Variants in NRXN1 observed in about 807,000 individuals in gnomAD.
The protein encoded by NRXN1 is neurexin-1.
In NRXN1, 39 loss-of-function variants were observed where a neutral mutation model predicts 150.9. The observed-to-expected ratio is 0.26, with a 90% CI of 0.20 to 0.34. The LOEUF is 0.34. Among genes scored for constraint, NRXN1 ranks in the 10% least tolerant of loss-of-function variants. The pLI, the probability that NRXN1 is intolerant of heterozygous loss-of-function variation, is 1.00. For synonymous variants in NRXN1, 924 were observed against 757.0 expected (o/e 1.22, Z -3.62); for missense variants, 1,815 against 1,949.9 (o/e 0.93, Z 1.30).
intron 21 of NRXN1, among the ~76,000 whole-genome samples, chr2:50,017,598 C>T (rs1686863299): frequency 6.6e-6 from 1 of 151,078 alleles, no homozygotes; most frequent in Non-Finnish European, 1.5e-5. Context: ...TTCTGGCTTA[C>T]TTAAAAAGAA....
At chr2:50,649,435 C>A (rs1235973920) in intron 5 of NRXN1, among the ~76,000 whole-genome samples, 1 of 151,994 alleles carries the variant, frequency 6.6e-6, no homozygotes, top group East Asian at 1.9e-4. Context: ...AACTCTGTAG[C>A]TCCCAAAACT....
At chr2:50,496,152 TA>T (rs1457417947) in intron 14 of NRXN1, 57 bp from the exon 15 acceptor site, 1 of 1,338,392 alleles carries the variant, frequency 7.5e-7, no homozygotes, top group African/African-American at 1.5e-5. Context: ...TTGATGAACC[TA>T]AAGTAGATAT....
chr2:50,564,001 G>A (rs1012848321), intron 8 of NRXN1, among the ~76,000 whole-genome samples: 1 of 152,170 alleles, frequency 6.6e-6, no homozygotes, highest in Non-Finnish European at 1.5e-5. Context: ...AAGTAGACTT[G>A]TTCCTGAGAA....
intron 17 of NRXN1, among the ~76,000 whole-genome samples, chr2:50,381,522 A>AACACACACACAC (rs59726557): frequency 3.9e-5 from 5 of 128,502 alleles, no homozygotes; most frequent in Non-Finnish European, 8.3e-5. Flanking sequence ...CAGGCTTTTA[A>AACACACACACAC]ACACACACAC....
At chr2:50,031,836 C>T (rs1664021869) in intron 21 of NRXN1, among the ~76,000 whole-genome samples, 1 of 152,002 alleles carries the variant, frequency 6.6e-6, no homozygotes, top group Non-Finnish European at 1.5e-5. Context: ...TAGTTCTCAG[C>T]CCTTAATTCG....
intron 17 of NRXN1, among the ~76,000 whole-genome samples, chr2:50,299,634 G>C (rs921309105): frequency 2.0e-5 from 3 of 151,942 alleles, no homozygotes; most frequent in African/African-American, 7.3e-5. Flanking sequence ...TAAATATCAA[G>C]CCCTTGTTTT....
chr2:50,709,737 T>C (rs978191911), intron 5 of NRXN1, among the ~76,000 whole-genome samples: 2 of 152,180 alleles, frequency 1.3e-5, no homozygotes, highest in Admixed American at 6.5e-5. Context: ...TGAGGACTGT[T>C]GTTCTATGCT....
At chr2:50,329,607 GTGTGTGTGTGTATATATATATATATATA>G (rs2076633550) in intron 17 of NRXN1, among the ~76,000 whole-genome samples, 1 of 25,924 alleles carries the variant, frequency 3.9e-5, no homozygotes, top group African/African-American at 1.4e-4. Context: ...GTGTGTGTGT[GTGTGTGTGTGTATATATATATATATATA>G]TATATATATA....
intron 5 of NRXN1, among the ~76,000 whole-genome samples, chr2:50,630,187 A>AT (rs1272285169): frequency 1.3e-5 from 2 of 151,532 alleles, no homozygotes; most frequent in African/African-American, 4.8e-5. Flanking sequence ...CAACTTTAAG[A>AT]TTTTTTTGAT....
chr2:50,687,367 C>G (rs1009565719), intron 5 of NRXN1, among the ~76,000 whole-genome samples: 1 of 152,060 alleles, frequency 6.6e-6, no homozygotes, highest in African/African-American at 2.4e-5. Context: ...ATAATACTAT[C>G]TTTTTTTTCT....
chr2:50,417,541 C>T (rs138673471), intron 17 of NRXN1, among the ~76,000 whole-genome samples: 1 of 151,874 alleles, frequency 6.6e-6, no homozygotes, highest in Non-Finnish European at 1.5e-5. Flanking sequence ...TGACATTCTG[C>T]TTGGTAGTAG....
intron 2 of NRXN1, among the ~76,000 whole-genome samples, chr2:50,992,595 G>A (rs1461708656): frequency 6.6e-6 from 1 of 151,960 alleles, no homozygotes. Context: ...AGAAATCAGG[G>A]AGGGCCTTTT....
intron 19 of NRXN1, among the ~76,000 whole-genome samples, chr2:50,057,082 A>G (rs1693770125): frequency 6.6e-6 from 1 of 152,148 alleles, no homozygotes; most frequent in South Asian, 2.1e-4. Flanking sequence ...CATTTTCCAT[A>G]TAAGCCAATA....
chr2:50,739,613 G>T (rs980274416), intron 5 of NRXN1, among the ~76,000 whole-genome samples: 1 of 152,072 alleles, frequency 6.6e-6, no homozygotes, highest in Admixed American at 6.6e-5. Flanking sequence ...TTACTCTATT[G>T]CATTGGTCTT....
At chr2:50,477,362 T>C (rs1215960198) in intron 15 of NRXN1, among the ~76,000 whole-genome samples, 1 of 152,168 alleles carries the variant, frequency 6.6e-6, no homozygotes, top group Non-Finnish European at 1.5e-5. Context: ...AAAATTGCAT[T>C]TAACGTCATG....
At chr2:50,100,835 A>C (rs767420055) in intron 18 of NRXN1, among the ~76,000 whole-genome samples, 14 of 152,096 alleles carry the variant, frequency 9.2e-5, no homozygotes, top group African/African-American at 2.7e-4. Context: ...CTTATGTGTA[A>C]AGAATGTCTT....
intron 5 of NRXN1, among the ~76,000 whole-genome samples, chr2:50,624,094 G>A (rs986508019): frequency 2.6e-5 from 4 of 152,032 alleles, no homozygotes; most frequent in South Asian, 2.1e-4. Context: ...TTCATCACAC[G>A]TATGTTTATT....
At chr2:50,891,481 T>C (rs1235746386) in intron 5 of NRXN1, among the ~76,000 whole-genome samples, 2 of 152,062 alleles carry the variant, frequency 1.3e-5, no homozygotes, top group Non-Finnish European at 2.9e-5. Context: ...TTATACAATC[T>C]GATATAAGAC....
Position 51,027,539 on chromosome 2 carries a change from G to A in NRXN1, c.735C>T (p.Cys245=). 1 of 1,566,848 alleles carries A rather than the reference G, an allele frequency of 6.4e-7. No homozygotes were observed. Among genetic ancestry groups the A allele is most frequent in the Non-Finnish European group, 8.7e-7 (1 of 1,151,702 alleles). ...CCTTGCCGCGGAAGCCGGTTCGCGAGCAGTCGCACACGGCCTGGTCGTCCA... is the reference window on the plus strand; with the variant it reads ...CCTTGCCGCGGAAGCCGGTTCGCGAACAGTCGCACACGGCCTGGTCGTCCA... ...SVVDDQAVCD[C]SRTGFRGKDC... The change falls in exon 2 of 23, where the codon TGC becomes TGT. Residue 245 remains cysteine (C), a synonymous_variant. Transcript: ENST00000401669.
Sources: allele counts gnomAD v4.1 joint callset (sites outside exome capture counted in the v4.1 genomes callset), GRCh38; gene constraint gnomAD v4.1.1; transcripts MANE v1.5; gene names NCBI Gene and HGNC (gene_info 2026-07-23, HGNC 2026-07-21).